The following KDM4C variants were observed in gnomAD, a reference collection of about 807,000 sequenced individuals.
The protein encoded by KDM4C is lysine-specific demethylase 4C.
Under a neutral mutation model 129.3 loss-of-function variants are expected in KDM4C, and 81 were observed. The ratio of observed to expected loss-of-function variants is 0.63; its 90% CI spans 0.52 to 0.75. The LOEUF (loss-of-function observed/expected upper bound fraction) is 0.75, where lower values mean the gene tolerates loss of function less well. Ranked by LOEUF, KDM4C falls within the 30% of genes least tolerant of loss-of-function variation. The pLI is 0.00. For missense variants in KDM4C, 1,457 were observed against 1,304.0 expected (o/e 1.12, Z -1.81); for synonymous variants, 573 against 456.1 (o/e 1.26, Z -3.26).
chr9:6,722,092 T>C (rs1305548995), intron 1 of KDM4C, among the ~76,000 whole-genome samples: 1 of 152,224 alleles, frequency 6.6e-6, no homozygotes, highest in Non-Finnish European at 1.5e-5. Context: ...TGTTCCGTGC[T>C]GGTTCCCCAA....
intron 19 of KDM4C, among the ~76,000 whole-genome samples, chr9:7,133,420 A>G (rs183728954): frequency 8.5e-5 from 13 of 152,290 alleles, no homozygotes; most frequent in African/African-American, 3.1e-4. Flanking sequence ...ATAATAGCCT[A>G]GTTCCCTACA....
chr9:7,077,409 C>T (rs1251442430), intron 17 of KDM4C: 1 of 181,952 alleles, frequency 5.5e-6, no homozygotes, highest in Non-Finnish European at 1.0e-5. Flanking sequence ...TATCTGTAAG[C>T]TATACTAATG....
chr9:7,031,577 T>C (rs1252139344), intron 15 of KDM4C, among the ~76,000 whole-genome samples: 1 of 152,184 alleles, frequency 6.6e-6, no homozygotes, highest in Non-Finnish European at 1.5e-5. Context: ...TGGAGTGATT[T>C]TAAAAAAAAC....
intron 8 of KDM4C, among the ~76,000 whole-genome samples, chr9:6,939,977 C>CCTACCTTCCTTCCTTT (rs1825586654): frequency 2.6e-4 from 8 of 30,274 alleles, no homozygotes; most frequent in Non-Finnish European, 5.2e-4. Context: ...TACCTACCTA[C>CCTACCTTCCTTCCTTT]CTTCCTTCCT....
chr9:7,124,237 C>G (rs536370929), intron 18 of KDM4C, among the ~76,000 whole-genome samples: 1 of 152,196 alleles, frequency 6.6e-6, no homozygotes, highest in East Asian at 1.9e-4. Context: ...AATTTTTATT[C>G]AACTTCCAAT....
chr9:7,089,745 G>A (rs1429072099), intron 17 of KDM4C, among the ~76,000 whole-genome samples: 1 of 152,144 alleles, frequency 6.6e-6, no homozygotes, highest in Non-Finnish European at 1.5e-5. Flanking sequence ...ATTCCCAAAG[G>A]GTGGGGGTAT....
At chr9:7,044,414 G>T (rs946582119) in intron 15 of KDM4C, among the ~76,000 whole-genome samples, 1 of 151,894 alleles carries the variant, frequency 6.6e-6, no homozygotes, top group African/African-American at 2.4e-5. Flanking sequence ...TTCTCTCATG[G>T]GGTTCAGAGT....
Position 6,849,543 on chromosome 9 carries a change from G to T in KDM4C, c.472G>T (p.Val158Phe). The T allele has an allele frequency of 6.2e-7, 1 of 1,612,352 alleles. No individual in the cohort carries two copies. The highest frequency in any genetic ancestry group is 8.5e-7 in the Non-Finnish European group (1 of 1,178,778). ...ATGGAACATAGCTCGCCTCAATACA[G>T]TCTTGGATGTGGTTGAAGAAGAGTG... ...DEWNIARLNT[V>F]LDVVEEECGI... Residue 158 changes from valine (V) to phenylalanine (F), a missense_variant, in exon 5 of 22, where the codon GTC (valine) becomes TTC (phenylalanine). Coordinates refer to ENST00000381309, the MANE Select transcript of KDM4C (RefSeq NM_015061.6).
intron 19 of KDM4C, among the ~76,000 whole-genome samples, chr9:7,161,331 C>A (rs1364600349): frequency 6.6e-6 from 1 of 152,164 alleles, no homozygotes; most frequent in Non-Finnish European, 1.5e-5. Context: ...CCTCTGTGGG[C>A]TGCACCCACT....
intron 1 of KDM4C, among the ~76,000 whole-genome samples, chr9:6,781,492 G>T (rs1233497628): frequency 6.6e-6 from 1 of 151,990 alleles, no homozygotes; most frequent in Non-Finnish European, 1.5e-5. Context: ...TATGTAACAT[G>T]AATTTTTGTC....
chr9:6,886,459 C>A (rs1321397752), intron 6 of KDM4C, among the ~76,000 whole-genome samples: 1 of 150,732 alleles, frequency 6.6e-6, no homozygotes, highest in Non-Finnish European at 1.5e-5. Flanking sequence ...ACTACAGGCA[C>A]GCACCACCAT....
chr9:6,853,209 C>T (rs1330702019), intron 5 of KDM4C, among the ~76,000 whole-genome samples: 4 of 152,058 alleles, frequency 2.6e-5, no homozygotes, highest in African/African-American at 7.2e-5. Flanking sequence ...TTTTCTAGCC[C>T]AGGTGCGGTT....
chr9:6,839,587 A>T (rs570199187), intron 4 of KDM4C, among the ~76,000 whole-genome samples: 2 of 152,088 alleles, frequency 1.3e-5, no homozygotes, highest in South Asian at 2.1e-4. Context: ...TTTACTTAAA[A>T]TTTTAAAGTG....
intron 4 of KDM4C, chr9:6,834,553 C>T (rs1835510860): frequency 2.9e-6 from 2 of 698,972 alleles, no homozygotes; most frequent in Non-Finnish European, 5.4e-6. Context: ...TCTTCCCCTT[C>T]ATCGTGTGGC....
Position 7,126,622 on chromosome 9 carries a change from A to G in KDM4C, c.2611-1444A>G, listed in dbSNP as rs1840050284. Among the ~76,000 whole-genome samples, 5 of 152,338 alleles carry G rather than the reference A, an allele frequency of 3.3e-5. No homozygotes were observed. In the South Asian group the frequency reaches 1.0e-3, roughly 32 times the overall value. On this transcript the variant is annotated intron_variant, in intron 18 of 21. Transcript: ENST00000381309. ...AATTGATATACGCATGTGTGTATTTATGCACATATATGTGCACATGTTAAA... is the reference window on the plus strand; with the variant it reads ...AATTGATATACGCATGTGTGTATTTGTGCACATATATGTGCACATGTTAAA...
intron 18 of KDM4C, among the ~76,000 whole-genome samples, chr9:7,122,873 C>T (rs1203087031): frequency 1.3e-5 from 2 of 152,150 alleles, no homozygotes; most frequent in African/African-American, 2.4e-5. Flanking sequence ...ACACCATAGC[C>T]ATTTCTTTAA....
intron 1 of KDM4C, among the ~76,000 whole-genome samples, chr9:6,738,594 C>A (rs1817598688): frequency 6.6e-6 from 1 of 152,102 alleles, no homozygotes; most frequent in African/African-American, 2.4e-5. Context: ...CACCACCACG[C>A]CCAGCTAATT....
At chr9:6,969,117 G>A (rs895370432) in intron 8 of KDM4C, among the ~76,000 whole-genome samples, 2 of 152,088 alleles carry the variant, frequency 1.3e-5, no homozygotes, top group African/African-American at 4.8e-5. Flanking sequence ...TGTATTTGTA[G>A]CAGAGATGGG....
intron 4 of KDM4C, among the ~76,000 whole-genome samples, chr9:6,816,711 C>G (rs890236308): frequency 6.6e-6 from 1 of 152,174 alleles, no homozygotes; most frequent in Non-Finnish European, 1.5e-5. Context: ...TTAATTTTAG[C>G]CACTCTGTTG....
Sources: gnomAD v4.1 joint callset for allele counts (sites outside exome capture counted in the v4.1 genomes callset) on GRCh38, gnomAD v4.1.1 for gene constraint, MANE v1.5 for transcripts, NCBI Gene and HGNC (gene_info 2026-07-23, HGNC 2026-07-21) for gene names.